Variants in ELOVL4 observed in about 807,000 individuals in gnomAD.
ELOVL4 encodes the protein very long chain fatty acid elongase 4.
ELOVL4 carries 18 observed loss-of-function variants against 42.1 expected under a neutral mutation model. The observed-to-expected ratio is 0.43, with a 90% CI of 0.30 to 0.63. The LOEUF (loss-of-function observed/expected upper bound fraction) is 0.63. ELOVL4 is among the 30% of genes least tolerant of loss of function. ELOVL4 has a pLI of 0.15. For missense variants in ELOVL4, 299 were observed against 376.2 expected, an observed-to-expected ratio of 0.79 and a Z score of 1.70; for synonymous variants, 117 against 127.0, an observed-to-expected ratio of 0.92 and a Z score of 0.53.
rs367711622 is a variant in ELOVL4, at chr6:79,933,404, T to C, written c.101-7023A>G. ...TGCCACAACACCCAGCTAATTTTTG[T>C]GTTTTTTGTAGAGACGAGGATTCGC... On this transcript the variant is annotated intron_variant, in intron 1 of 5. Transcript: ENST00000369816. 5.9e-5 allele frequency among the ~76,000 whole-genome samples: 9 copies of C among 152,170 alleles called. No homozygotes were observed. In the East Asian group the frequency reaches 1.4e-3, roughly 23 times the overall value.
chr6:79,947,481 T>C lies in ELOVL4; in HGVS notation c.-202A>G. The C allele has an allele frequency of 3.3e-6, 2 of 601,100 alleles. No individual in the cohort carries two copies. Among genetic ancestry groups the C allele is most frequent in the Non-Finnish European group, 5.9e-6 (2 of 337,972 alleles). 37.2% of individuals were successfully genotyped at this position (601,100 alleles called of 1,614,324 possible). A position where few individuals can be genotyped will look rare whatever the true frequency, so the allele number is the denominator to read the frequency against. ...AGGCAGGGCCAAGCGGAAGGCGTCG[T>C]CAAGGTTCCCGGGAGAAAGACGAGG... On this transcript the variant is annotated 5_prime_UTR_variant, in exon 1 of 6. Transcript: ENST00000369816.
intron 1 of ELOVL4, among the ~76,000 whole-genome samples, chr6:79,938,182 C>T (rs1340923557): frequency 6.6e-6 from 1 of 152,204 alleles, no homozygotes; most frequent in Non-Finnish European, 1.5e-5. Flanking sequence ...GATCAGAATA[C>T]AAGTAGTTTC....
chr6:79,946,359 T>C (rs1271379392), intron 1 of ELOVL4, among the ~76,000 whole-genome samples: 1 of 151,972 alleles, frequency 6.6e-6, no homozygotes, highest in Admixed American at 6.6e-5. Context: ...AATCAAACAA[T>C]TGACAGCCCT....
At chr6:79,925,412 T>G (rs1335292630) in intron 2 of ELOVL4, among the ~76,000 whole-genome samples, 1 of 152,170 alleles carries the variant, frequency 6.6e-6, no homozygotes, top group Non-Finnish European at 1.5e-5. Context: ...CCAAATAAAT[T>G]AAAGTGTTCA....
chr6:79,942,992 G>T (rs1201732272), intron 1 of ELOVL4, among the ~76,000 whole-genome samples: 1 of 151,932 alleles, frequency 6.6e-6, no homozygotes, highest in Non-Finnish European at 1.5e-5. Flanking sequence ...CATGTTAGGA[G>T]CTGGTGATGT....
Position 79,947,519 on chromosome 6 carries a change from C to A in ELOVL4, c.-240G>T, listed in dbSNP as rs1774773591. 3.7e-6 allele frequency: 2 copies of A among 547,424 alleles called. No homozygotes were observed. The highest frequency in any genetic ancestry group is 3.0e-5 in the Admixed American group (1 of 33,264). 33.9% of individuals were successfully genotyped at this position (547,424 alleles called of 1,614,324 possible). ...GAGAAAGACGAGGAGGTGGAGGAGG[C>A]CCAGCCGCCAGCACAGTGCGCTGCA... On this transcript the variant is annotated 5_prime_UTR_variant, in exon 1 of 6. Coordinates refer to ENST00000369816, the MANE Select transcript of ELOVL4 (RefSeq NM_022726.4).
chr6:79,925,064 G>C, intron 2 of ELOVL4, 32 bp from the exon 3 acceptor site: 1 of 1,414,524 alleles, frequency 7.1e-7, no homozygotes, highest in East Asian at 2.3e-5. Flanking sequence ...TTGTAGTAAA[G>C]TTTTAGTAAA....
rs577501411 is a variant in ELOVL4, at chr6:79,927,082, T to C, written c.101-701A>G. Among the ~76,000 whole-genome samples the C allele has an allele frequency of 6.6e-5, 10 of 152,274 alleles. No individual in the cohort carries two copies. The South Asian group carries it at 1.9e-3, about 28-fold the overall frequency. The stretch of plus-strand genomic sequence containing the variant: ...CATATGTGTAACTATATATATAAAA[T>C]GCAACACATTATTTTACTTAAAATG... On this transcript the variant is annotated intron_variant, in intron 1 of 5. Coordinates refer to ENST00000369816, the MANE Select transcript of ELOVL4 (RefSeq NM_022726.4).
At chr6:79,937,923 C>T (rs1457514777) in intron 1 of ELOVL4, among the ~76,000 whole-genome samples, 1 of 152,182 alleles carries the variant, frequency 6.6e-6, no homozygotes, top group African/African-American at 2.4e-5. Context: ...TAGTGAGTTT[C>T]ATCATGTGCA....
At chr6:79,935,064 T>G (rs1022279681) in intron 1 of ELOVL4, among the ~76,000 whole-genome samples, 1 of 152,172 alleles carries the variant, frequency 6.6e-6, no homozygotes, top group African/African-American at 2.4e-5. Flanking sequence ...AGAGGCTATT[T>G]TTAAAAACTC....
intron 1 of ELOVL4, among the ~76,000 whole-genome samples, chr6:79,928,348 C>T (rs343632): frequency 0.28 from 42,832 of 151,880 alleles, 8,218 homozygotes; most frequent in African/African-American, 0.55. Flanking sequence ...GATTTTAATT[C>T]CTAACATCAT....
chr6:79,934,859 C>A (rs1345686060), intron 1 of ELOVL4, among the ~76,000 whole-genome samples: 1 of 152,094 alleles, frequency 6.6e-6, no homozygotes, highest in African/African-American at 2.4e-5. Context: ...ACTAAATCCT[C>A]CTCTATCTTC....
rs181127795 is a variant in ELOVL4, at chr6:79,921,227, C to T, written c.541+398G>A. On this transcript the variant is annotated intron_variant, in intron 4 of 5. Transcript: ENST00000369816. ...TTGTAATCCCAACACTTTGGAAGGC[C>T]GAGGCAGGCGGATCACAAGGTCAAG... 5.9e-4 allele frequency among the ~76,000 whole-genome samples: 90 copies of T among 151,770 alleles called. 1 individual carries two copies. The South Asian group carries it at 8.4e-3, about 14-fold the overall frequency.
At chr6:79,943,995 A>G (rs888651720) in intron 1 of ELOVL4, among the ~76,000 whole-genome samples, 2 of 152,114 alleles carry the variant, frequency 1.3e-5, no homozygotes, top group Admixed American at 6.5e-5. Flanking sequence ...CAGCACCCAT[A>G]CCCTGTGAAC....
intron 1 of ELOVL4, among the ~76,000 whole-genome samples, chr6:79,928,358 T>C (rs187727894): frequency 0.014 from 2,205 of 152,202 alleles, 27 homozygotes; most frequent in South Asian, 0.038. Flanking sequence ...CCTAACATCA[T>C]AGATTATCTC....
chr6:79,947,336 G>T lies in ELOVL4; in HGVS notation c.-57C>A. 1 of 1,401,380 alleles carries T rather than the reference G, an allele frequency of 7.1e-7. No homozygotes were observed. The highest frequency in any genetic ancestry group is 9.9e-7 in the Non-Finnish European group (1 of 1,005,090). The allele number at this position is 1,401,380 out of a possible 1,614,324, so 86.8% of individuals were successfully genotyped here. ...AAAGCGGAGACCCAGAGAGAGGGCT[G>T]ACCCCGGAGGCGGTGGCGGCCGACG... On this transcript the variant is annotated 5_prime_UTR_variant, in exon 1 of 6. Transcript: ENST00000369816.
At chr6:79,924,808 C>A (rs973105321) in intron 3 of ELOVL4, 144 bp downstream of exon 3, 2 of 641,276 alleles carry the variant, frequency 3.1e-6, no homozygotes, top group Non-Finnish European at 5.6e-6. Context: ...GCACTTCAGT[C>A]TGGGGGACAG....
chr6:79,924,048 G>A lies in ELOVL4; in HGVS notation c.369+904C>T, dbSNP rs79131243. On this transcript the variant is annotated intron_variant, in intron 3 of 5. Coordinates refer to ENST00000369816, the MANE Select transcript of ELOVL4 (RefSeq NM_022726.4). ...TATGTAATTTCTAGTATGAACCACA[G>A]TATATAAGAAGAGTTCAATAAATAC... Among the ~76,000 whole-genome samples, 713 of 152,180 alleles carry A rather than the reference G, an allele frequency of 4.7e-3. 9 individuals carry two copies. The highest frequency in any genetic ancestry group is 0.016 in the African/African-American group (678 of 41,528).
intron 1 of ELOVL4, among the ~76,000 whole-genome samples, chr6:79,946,422 A>G (rs1231683515): frequency 6.6e-6 from 1 of 152,158 alleles, no homozygotes; most frequent in Admixed American, 6.5e-5. Flanking sequence ...AGAACTGTAT[A>G]TATGTAGGCA....
Sources: gnomAD v4.1 joint callset for allele counts (sites outside exome capture counted in the v4.1 genomes callset) on GRCh38, gnomAD v4.1.1 for gene constraint, MANE v1.5 for transcripts, NCBI Gene and HGNC (gene_info 2026-07-23, HGNC 2026-07-21) for gene names.